IL1R1: variants seen among roughly 807,000 people sequenced by gnomAD.
IL1R1 encodes the protein interleukin 1 receptor type 1, also known as interleukin-1 receptor type 1.
In IL1R1, 22 loss-of-function variants were observed where a neutral mutation model predicts 50.2. The ratio of observed to expected loss-of-function variants is 0.44; its 90% CI spans 0.31 to 0.63. IL1R1 has a LOEUF of 0.63. IL1R1 is among the 20% of genes least tolerant of loss of function. The probability of loss-of-function intolerance (pLI) is 0.07; values close to 1 mark genes in which losing one functional copy is unlikely to be tolerated. For missense variants in IL1R1, 509 were observed against 676.2 expected, an observed-to-expected ratio of 0.75 and a Z score of 2.74; for synonymous variants, 251 against 236.7, an observed-to-expected ratio of 1.06 and a Z score of -0.55.
chr2:102,124,600 A>G (rs186762227), intron 1 of IL1R1, among the ~76,000 whole-genome samples: 125 of 152,232 alleles, frequency 8.2e-4, no homozygotes, highest in African/African-American at 2.6e-3. Context: ...AAGTGAGAGC[A>G]CAGGAAAAAC....
At chr2:102,175,801 A>G in intron 11 of IL1R1, 156 bp downstream of exon 11, 1 of 706,538 alleles carries the variant, frequency 1.4e-6, no homozygotes, top group Non-Finnish European at 2.5e-6. Flanking sequence ...CATTTATTAA[A>G]TGCATTTACT....
intron 1 of IL1R1, among the ~76,000 whole-genome samples, chr2:102,152,157 A>G (rs1244779127): frequency 6.6e-6 from 1 of 152,216 alleles, no homozygotes; most frequent in Admixed American, 6.5e-5. Flanking sequence ...CAGTAAGTAT[A>G]TAAATTCTTA....
intron 9 of IL1R1, among the ~76,000 whole-genome samples, chr2:102,173,618 A>G (rs957983233): frequency 2.0e-5 from 3 of 152,238 alleles, no homozygotes; most frequent in Non-Finnish European, 2.9e-5. Context: ...GGAAGGATAT[A>G]CAATGTTCAT....
chr2:102,122,244 A>G (rs1375851752), intron 1 of IL1R1, among the ~76,000 whole-genome samples: 6 of 152,222 alleles, frequency 3.9e-5, no homozygotes, highest in African/African-American at 1.4e-4. Context: ...TTATAGATGT[A>G]ATTTTCCACG....
intron 10 of IL1R1, 132 bp from the exon 11 acceptor site, chr2:102,175,346 T>C (rs1686033101): frequency 4.3e-6 from 3 of 702,958 alleles, no homozygotes; most frequent in Non-Finnish European, 7.5e-6. Flanking sequence ...ATTTTTGGTA[T>C]TGCTGCTTCA....
intron 1 of IL1R1, among the ~76,000 whole-genome samples, chr2:102,108,013 C>G (rs79561272): frequency 5.9e-5 from 9 of 152,196 alleles, no homozygotes; most frequent in Non-Finnish European, 1.0e-4. Context: ...AGCCACCTCA[C>G]AAGATTGTAC....
intron 2 of IL1R1, among the ~76,000 whole-genome samples, chr2:102,156,462 T>G (rs1271467692): frequency 6.6e-6 from 1 of 152,208 alleles, no homozygotes; most frequent in Non-Finnish European, 1.5e-5. Context: ...AAAATCTTTT[T>G]TTTTCCTGTA....
At chr2:102,112,474 T>C (rs1301778552) in intron 1 of IL1R1, among the ~76,000 whole-genome samples, 2 of 152,028 alleles carry the variant, frequency 1.3e-5, no homozygotes, top group Non-Finnish European at 2.9e-5. Flanking sequence ...CAAAGTCAGC[T>C]CACCCCCTTC....
chr2:102,081,249 A>T (rs1236725007), intron 1 of IL1R1, among the ~76,000 whole-genome samples: 1 of 152,194 alleles, frequency 6.6e-6, no homozygotes, highest in East Asian at 1.9e-4. Context: ...TTAAAATAAG[A>T]ATATATGAGA....
chr2:102,164,749 GC>G, intron 3 of IL1R1, 24 bp from the exon 4 acceptor site: 3 of 1,519,038 alleles, frequency 2.0e-6, no homozygotes, highest in Non-Finnish European at 2.7e-6. Context: ...TATGTAAATT[GC>G]TTCCACCCTT....
intron 1 of IL1R1, among the ~76,000 whole-genome samples, chr2:102,074,178 G>A (rs1678859226): frequency 6.6e-6 from 1 of 152,172 alleles, no homozygotes. Flanking sequence ...CTATTGCTGT[G>A]TAACTACCTC....
chr2:102,089,903 G>A (rs1419474159), intron 1 of IL1R1, among the ~76,000 whole-genome samples: 3 of 148,542 alleles, frequency 2.0e-5, no homozygotes, highest in Non-Finnish European at 4.5e-5. Flanking sequence ...GTACGATCTC[G>A]GCTCACTGCA....
chr2:102,143,172 G>T (rs1026023894), intron 1 of IL1R1, among the ~76,000 whole-genome samples, 152 bp downstream of exon 1: 3 of 152,192 alleles, frequency 2.0e-5, no homozygotes, highest in Non-Finnish European at 2.9e-5. Context: ...AGGGGATGGC[G>T]GTGAGGTCTG....
intron 1 of IL1R1, among the ~76,000 whole-genome samples, chr2:102,082,032 C>T (rs1254436269): frequency 2.0e-5 from 3 of 152,218 alleles, no homozygotes; most frequent in African/African-American, 7.2e-5. Context: ...GGTCCCACCT[C>T]TGGAGCTGCT....
At chr2:102,105,266 T>A (rs1680337960) in intron 1 of IL1R1, among the ~76,000 whole-genome samples, 1 of 152,240 alleles carries the variant, frequency 6.6e-6, no homozygotes, top group Non-Finnish European at 1.5e-5. Flanking sequence ...GTTGTTACTG[T>A]AAGAATTGAG....
intron 1 of IL1R1, among the ~76,000 whole-genome samples, chr2:102,126,457 T>G (rs139163282): frequency 6.6e-6 from 1 of 152,230 alleles, no homozygotes; most frequent in Non-Finnish European, 1.5e-5. Context: ...TCAATTGACA[T>G]GGTAGCTGCT....
chr2:102,170,672 T>G (rs1057021698), intron 7 of IL1R1, among the ~76,000 whole-genome samples: 2 of 152,082 alleles, frequency 1.3e-5, no homozygotes, highest in African/African-American at 4.8e-5. Flanking sequence ...ATAAAATATG[T>G]TAGAAAAACT....
In IL1R1 at chr2:102,176,663, G is replaced by A; in HGVS notation, c.1614G>A (p.Met538Ile). The A allele has an allele frequency of 6.2e-7, 1 of 1,614,206 alleles. No individual in the cohort carries two copies. Among genetic ancestry groups the A allele is most frequent in the African/African-American group, 1.3e-5 (1 of 75,048 alleles). Residue 538 changes from methionine to isoleucine, a missense_variant, in exon 12 of 12, where the codon ATG (methionine) becomes ATA (isoleucine). Transcript: ENST00000410023. The stretch of plus-strand genomic sequence containing the variant: ...TCTGGAAGAATGTCAGGTACCACAT[G>A]CCAGTCCAGCGACGGTCACCTTCAT... ...TRFWKNVRYHMPVQRRSPSSK... is the reference protein window; with the variant it reads ...TRFWKNVRYHIPVQRRSPSSK...
At chr2:102,080,857 G>T (rs894114073) in intron 1 of IL1R1, among the ~76,000 whole-genome samples, 2 of 152,076 alleles carry the variant, frequency 1.3e-5, no homozygotes, top group Non-Finnish European at 2.9e-5. Context: ...TCCAAACAAC[G>T]GAATATTATT....
Sources: allele counts gnomAD v4.1 joint callset (sites outside exome capture counted in the v4.1 genomes callset), GRCh38; gene constraint gnomAD v4.1.1; transcripts MANE v1.5; gene names NCBI Gene and HGNC (gene_info 2026-07-23, HGNC 2026-07-21).